The following BABAM2 variants were observed in gnomAD, a reference collection of about 807,000 sequenced individuals.
The protein encoded by BABAM2 is BRISC and BRCA1 A complex member 2, also known as BRISC and BRCA1-A complex member 2.
Under a neutral mutation model 54.7 loss-of-function variants are expected in BABAM2, and 31 were observed. That is an observed-to-expected ratio of 0.57 (90% CI 0.43 to 0.77). BABAM2 has a LOEUF of 0.77. BABAM2 is among the 30% of genes least tolerant of loss of function. The pLI is 0.00. For synonymous variants in BABAM2, 167 were observed against 162.9 expected (o/e 1.03, Z -0.19); for missense variants, 364 against 455.8 (o/e 0.80, Z 1.83).
At chr2:28,065,860 G>T (rs942921120) in intron 6 of BABAM2, among the ~76,000 whole-genome samples, 3 of 151,832 alleles carry the variant, frequency 2.0e-5, no homozygotes, top group Non-Finnish European at 4.4e-5. Flanking sequence ...TTGAACTGTG[G>T]CTGGGTGCGG....
intron 7 of BABAM2, among the ~76,000 whole-genome samples, chr2:28,161,554 C>T (rs1477440574): frequency 1.3e-5 from 2 of 152,146 alleles, no homozygotes; most frequent in Non-Finnish European, 2.9e-5. Flanking sequence ...TATTCTGGAG[C>T]TACTTAGAAC....
chr2:28,038,126 C>T (rs1163048491), intron 5 of BABAM2, among the ~76,000 whole-genome samples: 1 of 152,098 alleles, frequency 6.6e-6, no homozygotes, highest in Non-Finnish European at 1.5e-5. Flanking sequence ...ATACTGATAA[C>T]CAGACATAAA....
chr2:27,969,096 C>T (rs1164287633), intron 3 of BABAM2, among the ~76,000 whole-genome samples: 1 of 152,164 alleles, frequency 6.6e-6, no homozygotes, highest in East Asian at 1.9e-4. Context: ...GAGTAAGTCT[C>T]ATGAGATCTG....
intron 7 of BABAM2, among the ~76,000 whole-genome samples, chr2:28,157,800 G>A (rs1186978822): frequency 1.3e-5 from 2 of 151,938 alleles, no homozygotes; most frequent in Non-Finnish European, 2.9e-5. Context: ...TTAGTAGAGA[G>A]GGGTTTCACC....
rs143182105 is a variant in BABAM2 at position 27,962,320 on chromosome 2, G to C, written c.206-25673G>C. On this transcript the variant is annotated intron_variant, in intron 3 of 11. Transcript: ENST00000379624. ...AGGGCATTGCTTTATTGCCTAGGGTGGTCTCTAACTCCTAGCTTCAAGGGA... is the reference window on the plus strand; with the variant it reads ...AGGGCATTGCTTTATTGCCTAGGGTCGTCTCTAACTCCTAGCTTCAAGGGA... 5.9e-5 allele frequency among the ~76,000 whole-genome samples: 9 copies of C among 152,150 alleles called. 1 individual carries two copies. In the East Asian group the frequency reaches 1.5e-3, roughly 26 times the overall value.
intron 6 of BABAM2, among the ~76,000 whole-genome samples, chr2:28,068,684 A>G (rs1663845839): frequency 6.6e-6 from 1 of 152,242 alleles, no homozygotes; most frequent in African/African-American, 2.4e-5. Context: ...ACTGTGCAGA[A>G]TGAGCTCTTC....
chr2:28,121,409 A>C (rs1232958292), intron 6 of BABAM2, among the ~76,000 whole-genome samples: 1 of 152,184 alleles, frequency 6.6e-6, no homozygotes, highest in Non-Finnish European at 1.5e-5. Flanking sequence ...TACTTATGTC[A>C]CTTTCCTTGT....
At chr2:28,070,752 T>C (rs1178849969) in intron 6 of BABAM2, among the ~76,000 whole-genome samples, 1 of 152,072 alleles carries the variant, frequency 6.6e-6, no homozygotes, top group Non-Finnish European at 1.5e-5. Flanking sequence ...CAAAAAGAGG[T>C]TAAGCATTCC....
intron 7 of BABAM2, among the ~76,000 whole-genome samples, chr2:28,199,720 T>C (rs1384526044): frequency 6.6e-6 from 1 of 152,082 alleles, no homozygotes; most frequent in East Asian, 1.9e-4. Context: ...CCAGGGCCAA[T>C]AGATTGGGTT....
chr2:28,184,290 C>CCA (rs1375117958), intron 7 of BABAM2, among the ~76,000 whole-genome samples: 2 of 138,884 alleles, frequency 1.4e-5, no homozygotes, highest in East Asian at 4.6e-4. Flanking sequence ...CTCTCTCCCC[C>CCA]CCTCCCTCTC....
intron 6 of BABAM2, among the ~76,000 whole-genome samples, chr2:28,069,795 C>T (rs140240806): frequency 1.1e-4 from 16 of 152,290 alleles, no homozygotes; most frequent in Non-Finnish European, 1.5e-5. Context: ...ATACATGTAA[C>T]TGGTTAGTTC....
At chr2:28,200,446 C>T (rs1480167350) in intron 7 of BABAM2, among the ~76,000 whole-genome samples, 1 of 152,178 alleles carries the variant, frequency 6.6e-6, no homozygotes, top group African/African-American at 2.4e-5. Flanking sequence ...AGCAGTATAT[C>T]ATTTCAGAGA....
intron 7 of BABAM2, among the ~76,000 whole-genome samples, chr2:28,223,351 C>T (rs1680583226): frequency 6.6e-6 from 1 of 152,210 alleles, no homozygotes; most frequent in South Asian, 2.1e-4. Flanking sequence ...GTGTCTGTGT[C>T]CTGCTCCCCA....
chr2:27,905,185 T>C (rs763085181), intron 2 of BABAM2, among the ~76,000 whole-genome samples: 53 of 152,168 alleles, frequency 3.5e-4, no homozygotes, highest in Admixed American at 1.0e-3. Flanking sequence ...AAAAGAAAAA[T>C]AGCCAGGACC....
chr2:27,947,443 C>T (rs1669380398), intron 3 of BABAM2, among the ~76,000 whole-genome samples: 1 of 151,974 alleles, frequency 6.6e-6, no homozygotes, highest in Non-Finnish European at 1.5e-5. Flanking sequence ...TTCTTTTTCC[C>T]CTACTCAACT....
At chr2:28,028,787 G>T (rs1355078041) in intron 5 of BABAM2, among the ~76,000 whole-genome samples, 1 of 151,214 alleles carries the variant, frequency 6.6e-6, no homozygotes, top group African/African-American at 2.4e-5. Context: ...CTTTTTTTGA[G>T]ACGAAGTCTC....
intron 10 of BABAM2, among the ~76,000 whole-genome samples, chr2:28,254,864 G>A (rs535184631): frequency 2.6e-5 from 4 of 151,038 alleles, no homozygotes; most frequent in African/African-American, 7.3e-5. Flanking sequence ...CTCCAGAGTA[G>A]CTGGGACTAT....
At chr2:28,306,339 G>A (rs1302474448) in intron 11 of BABAM2, among the ~76,000 whole-genome samples, 5 of 151,888 alleles carry the variant, frequency 3.3e-5, no homozygotes, top group South Asian at 2.1e-4. Context: ...TTCACCTGTG[G>A]GGTTTTGGAT....
intron 4 of BABAM2, among the ~76,000 whole-genome samples, chr2:28,011,921 G>A (rs893227994): frequency 6.6e-6 from 1 of 152,162 alleles, no homozygotes; most frequent in Non-Finnish European, 1.5e-5. Flanking sequence ...AAGCTTAAAT[G>A]ATCTTTCATT....
Sources: allele counts gnomAD v4.1 joint callset (sites outside exome capture counted in the v4.1 genomes callset), GRCh38; gene constraint gnomAD v4.1.1; transcripts MANE v1.5; gene names NCBI Gene and HGNC (gene_info 2026-07-23, HGNC 2026-07-21).